Variants in ARMC3 observed in about 807,000 individuals in gnomAD.
ARMC3 encodes the protein armadillo repeat-containing protein 3.
In ARMC3, 74 loss-of-function variants were observed where a neutral mutation model predicts 90.3. The observed-to-expected ratio is 0.82, with a 90% CI of 0.68 to 0.99. The LOEUF (loss-of-function observed/expected upper bound fraction) is 0.99. Ranked by LOEUF, ARMC3 falls within the 50% of genes least tolerant of loss-of-function variation. The pLI, the probability that ARMC3 is intolerant of heterozygous loss-of-function variation, is 0.00. For missense variants in ARMC3, 958 were observed against 1,042.8 expected (o/e 0.92, Z 1.12); for synonymous variants, 334 against 361.8 (o/e 0.92, Z 0.87).
intron 1 of ARMC3, among the ~76,000 whole-genome samples, chr10:22,931,170 GC>G (rs1833915526): frequency 6.6e-6 from 1 of 152,008 alleles, no homozygotes; most frequent in South Asian, 2.1e-4. Flanking sequence ...CTCGTGATTC[GC>G]CCACCTCGGC....
intron 8 of ARMC3, among the ~76,000 whole-genome samples, chr10:22,975,325 C>T (rs1469139507): frequency 2.0e-5 from 3 of 152,090 alleles, no homozygotes; most frequent in African/African-American, 4.8e-5. Context: ...GAGGCCGAGG[C>T]GGGTGGATCA....
intron 8 of ARMC3, among the ~76,000 whole-genome samples, chr10:22,972,894 C>G (rs751928601): frequency 6.6e-6 from 1 of 152,172 alleles, no homozygotes; most frequent in Non-Finnish European, 1.5e-5. Flanking sequence ...AGTCTCTTAA[C>G]TACATTAGCA....
At chr10:22,934,901 G>A (rs1200118976) in intron 2 of ARMC3, among the ~76,000 whole-genome samples, 5 of 152,164 alleles carry the variant, frequency 3.3e-5, no homozygotes, top group African/African-American at 1.2e-4. Flanking sequence ...GGGAAGTCAG[G>A]GATGAGGCAT....
chr10:22,966,631 GA>G (rs1564359401), intron 7 of ARMC3, among the ~76,000 whole-genome samples: 3 of 152,172 alleles, frequency 2.0e-5, no homozygotes, highest in Non-Finnish European at 4.4e-5. Context: ...CTGCTATAAA[GA>G]ACTGCCCGAG....
At chr10:23,006,190 C>A (rs750707927) in intron 13 of ARMC3, among the ~76,000 whole-genome samples, 2 of 152,088 alleles carry the variant, frequency 1.3e-5, no homozygotes, top group Non-Finnish European at 2.9e-5. Flanking sequence ...GCAGGAAGGC[C>A]GGTGCAGCTA....
At chr10:22,986,212 T>G (rs926737686) in intron 10 of ARMC3, among the ~76,000 whole-genome samples, 2 of 148,684 alleles carry the variant, frequency 1.3e-5, no homozygotes, top group Non-Finnish European at 3.0e-5. Flanking sequence ...ACACTGTCCA[T>G]CCCATAGTAG....
chr10:22,999,589 A>G (rs558204402), intron 11 of ARMC3, among the ~76,000 whole-genome samples: 1 of 152,380 alleles, frequency 6.6e-6, no homozygotes, highest in South Asian at 2.1e-4. Context: ...TAAGCACTTT[A>G]CATGCATTTA....
At chr10:22,962,224 T>G in intron 7 of ARMC3, 146 bp downstream of exon 7, 1 of 550,318 alleles carries the variant, frequency 1.8e-6, no homozygotes, top group Non-Finnish European at 2.8e-6. Context: ...CCTGCTTAAA[T>G]CAGGCTAATT....
intron 6 of ARMC3, 198 bp downstream of exon 6, chr10:22,959,772 A>G: frequency 3.0e-6 from 2 of 660,942 alleles, no homozygotes; most frequent in Non-Finnish European, 5.4e-6. Context: ...TTTGTAAGTC[A>G]TTGTCTCCTG....
chr10:23,001,839 C>A, intron 11 of ARMC3, 80 bp from the exon 12 acceptor site: 1 of 1,465,834 alleles, frequency 6.8e-7, no homozygotes, highest in South Asian at 1.4e-5. Flanking sequence ...TTTTAGCAAT[C>A]AAATAATGAG....
intron 18 of ARMC3, among the ~76,000 whole-genome samples, chr10:23,035,014 T>C (rs907782511): frequency 1.3e-5 from 2 of 152,216 alleles, no homozygotes; most frequent in African/African-American, 4.8e-5. Flanking sequence ...CAAAATACCA[T>C]AGACTGGAAG....
chr10:22,970,727 A>C lies in ARMC3; in HGVS notation c.916+2238A>C, dbSNP rs145313122. On this transcript the variant is annotated intron_variant, in intron 8 of 18. Transcript: ENST00000298032. ...CATGTGTGAGTATTTTTGAATGACT[A>C]TGTTGGTTGAAAGAGGAAGAAGGCG... Among the ~76,000 whole-genome samples the C allele has an allele frequency of 1.6e-3, 243 of 152,242 alleles. 2 individuals carry two copies. Among genetic ancestry groups the C allele is most frequent in the African/African-American group, 5.6e-3 (234 of 41,542 alleles).
rs557272990 is a variant in ARMC3, at chr10:22,928,265, G to T, written c.-2+159G>T. 7.9e-5 allele frequency among the ~76,000 whole-genome samples: 12 copies of T among 152,288 alleles called. No homozygotes were observed. The East Asian group carries it at 1.4e-3, about 17-fold the overall frequency. ...GCCTCGCGCCCGCAGGGTTAGACGG[G>T]GCTTGGGGTGGGTTTCGTAAGCATC... On this transcript the variant is annotated intron_variant, in intron 1 of 18. Transcript: ENST00000298032.
chr10:23,011,744 C>G (rs1838023203), intron 16 of ARMC3, among the ~76,000 whole-genome samples: 1 of 152,212 alleles, frequency 6.6e-6, no homozygotes, highest in Non-Finnish European at 1.5e-5. Context: ...GGGACCAAAT[C>G]TGGCCCCAAT....
At position 22,979,226 on chromosome 10, in the gene ARMC3, A is replaced by T. The variant is rs139672668; in HGVS notation, c.917-2114A>T. 1.2e-4 allele frequency among the ~76,000 whole-genome samples: 19 copies of T among 152,346 alleles called. No homozygotes were observed. The East Asian group carries it at 3.7e-3, about 29-fold the overall frequency. On this transcript the variant is annotated intron_variant, in intron 8 of 18. Transcript: ENST00000298032. ...ACAAATGTTATTTTTAAAGGACATTATGCTATTAGTAGCATAACTATCTTG... is the reference window on the plus strand; with the variant it reads ...ACAAATGTTATTTTTAAAGGACATTTTGCTATTAGTAGCATAACTATCTTG...
chr10:22,973,635 TAC>T, intron 8 of ARMC3, among the ~76,000 whole-genome samples: 1 of 151,748 alleles, frequency 6.6e-6, no homozygotes, highest in East Asian at 1.9e-4. Context: ...AATTATATTG[TAC>T]AGTTTTATCC....
chr10:23,030,614 A>G lies in ARMC3; in HGVS notation c.2064A>G (p.Lys688=), dbSNP rs779246328. ...EKGWRKSKGK[K]EEEKVKEEEE... Reference sequence around the variant, plus strand: ...TTCAAAGGAAAAGCAAAGGAAAAAAAGAAGAGGAAAAAGTGAAAGAGGAGG... The same window carrying G: ...TTCAAAGGAAAAGCAAAGGAAAAAAGGAAGAGGAAAAAGTGAAAGAGGAGG... The change falls in exon 17 of 19, where the codon AAA becomes AAG. Residue 688 remains lysine, a synonymous_variant. Transcript: ENST00000298032. The G allele has an allele frequency of 1.9e-6, 3 of 1,612,974 alleles. No homozygotes were observed. The highest frequency in any genetic ancestry group is 1.3e-5 in the African/African-American group (1 of 74,886).
chr10:22,963,974 C>T lies in ARMC3; in HGVS notation c.732+1896C>T, dbSNP rs908256387. Among the ~76,000 whole-genome samples the T allele has an allele frequency of 7.9e-5, 11 of 139,782 alleles. No individual in the cohort carries two copies. The East Asian group carries it at 1.5e-3, about 19-fold the overall frequency. 91.7% of individuals were successfully genotyped at this position (139,782 alleles called of 152,430 possible). On this transcript the variant is annotated intron_variant, in intron 7 of 18. Coordinates refer to ENST00000298032, the MANE Select transcript of ARMC3 (RefSeq NM_173081.5). ...AAGACTAACAAACTGGAAAGGAAGC[C>T]GTAAAACTGTATTTATTCAGATTGC...
At chr10:22,992,959 C>T (rs1588888585) in intron 10 of ARMC3, among the ~76,000 whole-genome samples, 1 of 100,484 alleles carries the variant, frequency 1.0e-5, no homozygotes, top group African/African-American at 4.0e-5. Context: ...AGAGTGTCTG[C>T]CGCCAATATG....
Sources: gnomAD v4.1 joint callset for allele counts (sites outside exome capture counted in the v4.1 genomes callset) on GRCh38, gnomAD v4.1.1 for gene constraint, MANE v1.5 for transcripts, NCBI Gene and HGNC (gene_info 2026-07-23, HGNC 2026-07-21) for gene names.